PPP2R2C: variants seen among roughly 807,000 people sequenced by gnomAD.
The protein encoded by PPP2R2C is protein phosphatase 2, regulatory subunit B, gamma.
PPP2R2C carries 10 observed loss-of-function variants against 45.3 expected under a neutral mutation model. That is an observed-to-expected ratio of 0.22 (90% confidence interval 0.14 to 0.37). The LOEUF (loss-of-function observed/expected upper bound fraction) is 0.37. Ranked by LOEUF, PPP2R2C falls within the 10% of genes least tolerant of loss-of-function variation. The probability of loss-of-function intolerance (pLI) is 1.00; values close to 1 mark genes in which losing one functional copy is unlikely to be tolerated. For synonymous variants in PPP2R2C, 257 were observed against 245.4 expected, an observed-to-expected ratio of 1.05 and a Z score of -0.44; for missense variants, 308 against 619.7, an observed-to-expected ratio of 0.50 and a Z score of 5.34.
At chr4:6,403,314 C>A (rs1717558097) in intron 1 of PPP2R2C, among the ~76,000 whole-genome samples, 1 of 152,212 alleles carries the variant, frequency 6.6e-6, no homozygotes. Flanking sequence ...GAGCGGAGCC[C>A]CTTAGAAACT....
rs994123293 is a variant in PPP2R2C at position 6,471,179 on chromosome 4, C to A, written c.70+981G>T. ...CCACTGGGGCACCCACCCGGGGAAT[C>A]CGCGCACACTTCTGCGGCCGGGCCG... On this transcript the variant is annotated intron_variant, in intron 1 of 8. Coordinates refer to ENST00000382599, the MANE Select transcript of PPP2R2C (RefSeq NM_020416.4). The surrounding 1 kb of genome is among the most constrained non-coding windows in gnomAD (Gnocchi z 5.6). 8.5e-5 allele frequency among the ~76,000 whole-genome samples: 13 copies of A among 152,186 alleles called. No individual in the cohort carries two copies. Among genetic ancestry groups the A allele is most frequent in the Non-Finnish European group, 1.6e-4 (11 of 68,020 alleles).
At chr4:6,529,746 G>A (rs1372227213) in intron 2 of PPP2R2C, among the ~76,000 whole-genome samples, 1 of 152,204 alleles carries the variant, frequency 6.6e-6, no homozygotes, top group South Asian at 2.1e-4. Flanking sequence ...CCACTGCTGT[G>A]GCCCCAGCCA....
intron 1 of PPP2R2C, among the ~76,000 whole-genome samples, chr4:6,389,273 G>A (rs1247678917): frequency 6.6e-6 from 1 of 152,206 alleles, no homozygotes; most frequent in Non-Finnish European, 1.5e-5. Context: ...AGATGAAGAT[G>A]CTCGTCACGG....
intron 2 of PPP2R2C, among the ~76,000 whole-genome samples, chr4:6,523,166 C>T (rs1342798394): frequency 2.0e-5 from 3 of 152,260 alleles, no homozygotes; most frequent in South Asian, 2.1e-4. Flanking sequence ...GCAAGTGCTG[C>T]GGAGGGGCAA....
chr4:6,395,370 A>AC (rs1246735113), intron 1 of PPP2R2C, among the ~76,000 whole-genome samples: 1 of 152,078 alleles, frequency 6.6e-6, no homozygotes, highest in Non-Finnish European at 1.5e-5. Flanking sequence ...TCAGAAACGG[A>AC]CCCCGCGGGC....
intron 1 of PPP2R2C, chr4:6,384,303 A>T (rs898924349): frequency 3.1e-4 from 306 of 985,304 alleles, no homozygotes; most frequent in Non-Finnish European, 3.5e-4. Context: ...GCTTGTAATG[A>T]TCTACATCAG....
intron 2 of PPP2R2C, among the ~76,000 whole-genome samples, chr4:6,530,820 G>T (rs1724372095): frequency 6.6e-6 from 1 of 152,198 alleles, no homozygotes; most frequent in Non-Finnish European, 1.5e-5. Context: ...AAACCTCAAG[G>T]CAAAACGCAA....
In PPP2R2C at chr4:6,323,197, C is replaced by T. The variant is rs930320830; in HGVS notation, c.*105G>A. 1 of 1,378,236 alleles carries T rather than the reference C, an allele frequency of 7.3e-7. No individual in the cohort carries two copies. The highest frequency in any genetic ancestry group is 9.8e-7 in the Non-Finnish European group (1 of 1,015,570). The allele number at this position is 1,378,236 out of a possible 1,614,324, so 85.4% of individuals were successfully genotyped here. On this transcript the variant is annotated 3_prime_UTR_variant, in exon 9 of 9. Coordinates refer to ENST00000382599, the MANE Select transcript of PPP2R2C (RefSeq NM_020416.4). ...ACACTGCCACCTCTGCAGCTGTCCT[C>T]ATCAGTGCTGTGACTTTCTTCCCCT...
At chr4:6,406,288 G>C (rs1419810435) in intron 1 of PPP2R2C, among the ~76,000 whole-genome samples, 2 of 152,158 alleles carry the variant, frequency 1.3e-5, no homozygotes, top group African/African-American at 4.8e-5. Flanking sequence ...CACCTTCCAT[G>C]GGGAAGTTGG....
At chr4:6,516,080 T>C (rs1164783249) in intron 2 of PPP2R2C, among the ~76,000 whole-genome samples, 1 of 152,210 alleles carries the variant, frequency 6.6e-6, no homozygotes, top group Non-Finnish European at 1.5e-5. Context: ...GCAAATACTT[T>C]ATTTCCAAAT....
chr4:6,447,532 C>A (rs1017166365), intron 1 of PPP2R2C, among the ~76,000 whole-genome samples: 2 of 141,470 alleles, frequency 1.4e-5, no homozygotes, highest in African/African-American at 5.1e-5. Flanking sequence ...CCCCCACCCC[C>A]ACCCCACTCA....
intron 6 of PPP2R2C, among the ~76,000 whole-genome samples, chr4:6,347,596 C>T (rs932573316): frequency 2.0e-5 from 3 of 152,234 alleles, no homozygotes; most frequent in South Asian, 4.1e-4. Context: ...CCCTGACCCT[C>T]GCCCTAGAGC....
chr4:6,381,760 T>G, intron 1 of PPP2R2C: 1 of 1,608,252 alleles, frequency 6.2e-7, no homozygotes, highest in Non-Finnish European at 8.5e-7. Context: ...CCTCTCCTTA[T>G]GGAGTCACCC....
chr4:6,542,709 A>AAAAAAAAAAAAAAAAAGAAAAAG (rs112182178), intron 1 of PPP2R2C, among the ~76,000 whole-genome samples: 1 of 127,836 alleles, frequency 7.8e-6, no homozygotes, highest in Admixed American at 8.9e-5. Flanking sequence ...TCTCAAAAAA[A>AAAAAAAAAAAAAAAAAGAAAAAG]AAAAAGAAAA....
chr4:6,392,133 A>C (rs1406944617), intron 1 of PPP2R2C, among the ~76,000 whole-genome samples: 1 of 152,242 alleles, frequency 6.6e-6, no homozygotes, highest in Non-Finnish European at 1.5e-5. Context: ...TGGTGGTGAC[A>C]GGTGCACAGC....
intron 1 of PPP2R2C, among the ~76,000 whole-genome samples, chr4:6,419,924 G>A (rs1560534887): frequency 2.0e-5 from 3 of 152,106 alleles, no homozygotes; most frequent in Admixed American, 2.0e-4. Context: ...AGGCCCACTC[G>A]AATCCAATAT....
intron 1 of PPP2R2C, among the ~76,000 whole-genome samples, chr4:6,466,975 C>T (rs1465473269): frequency 6.6e-6 from 1 of 152,118 alleles, no homozygotes; most frequent in African/African-American, 2.4e-5. Context: ...ACGTGTAGAA[C>T]TTCAGAGTCC....
In PPP2R2C at chr4:6,345,898, C is replaced by G. The variant is rs1485587111; in HGVS notation, c.790+1948G>C. On this transcript the variant is annotated intron_variant, in intron 6 of 8. Coordinates refer to ENST00000382599, the MANE Select transcript of PPP2R2C (RefSeq NM_020416.4). This position sits in a 1 kb window ranked among gnomAD's most constrained non-coding sequence, Gnocchi z 5.3. ...CACTTATCTCCAGGTGGCATTACTGCCTGGATATCTGGCTGCCTACTCGAC... is the reference window on the plus strand; with the variant it reads ...CACTTATCTCCAGGTGGCATTACTGGCTGGATATCTGGCTGCCTACTCGAC... 3.9e-5 allele frequency among the ~76,000 whole-genome samples: 6 copies of G among 152,156 alleles called. No homozygotes were observed. Among genetic ancestry groups the G allele is most frequent in the Non-Finnish European group, 5.9e-5 (4 of 68,022 alleles).
At chr4:6,422,911 C>T (rs1340163673) in intron 1 of PPP2R2C, among the ~76,000 whole-genome samples, 2 of 152,152 alleles carry the variant, frequency 1.3e-5, no homozygotes, top group African/African-American at 2.4e-5. Flanking sequence ...TTTTAAGTAA[C>T]AACAACTAAC....
Sources: gnomAD v4.1 joint callset for allele counts (sites outside exome capture counted in the v4.1 genomes callset) on GRCh38, gnomAD v4.1.1 for gene constraint, Gnocchi (gnomAD v3.1) non-coding constraint, MANE v1.5 for transcripts, NCBI Gene and HGNC (gene_info 2026-07-23, HGNC 2026-07-21) for gene names.